Variants in RABGAP1 observed in about 807,000 individuals in gnomAD.
RABGAP1 encodes rab GTPase-activating protein 1.
Under a neutral mutation model 137.6 loss-of-function variants are expected in RABGAP1, and 23 were observed. The observed-to-expected ratio is 0.17, with a 90% confidence interval of 0.12 to 0.24. RABGAP1 has a LOEUF of 0.24. Ranked by LOEUF, RABGAP1 falls within the 10% of genes least tolerant of loss-of-function variation. The pLI, the probability that RABGAP1 is intolerant of heterozygous loss-of-function variation, is 1.00. For missense variants in RABGAP1, 906 were observed against 1,275.8 expected (o/e 0.71, Z 4.42); for synonymous variants, 451 against 450.7 (o/e 1.00, Z -0.01).
intron 2 of RABGAP1, among the ~76,000 whole-genome samples, chr9:122,968,914 T>TA (rs1232954465): frequency 6.6e-6 from 1 of 152,146 alleles, no homozygotes; most frequent in African/African-American, 2.4e-5. Context: ...CGCCCCCAGC[T>TA]AGTTATTTTT....
intron 19 of RABGAP1, among the ~76,000 whole-genome samples, chr9:123,086,021 G>A (rs1381259575): frequency 6.6e-6 from 1 of 152,200 alleles, no homozygotes; most frequent in Non-Finnish European, 1.5e-5. Flanking sequence ...GATATGGCCT[G>A]TCTCCTGGTG....
At chr9:123,008,317 T>C (rs2030487724) in intron 10 of RABGAP1, among the ~76,000 whole-genome samples, 1 of 152,020 alleles carries the variant, frequency 6.6e-6, no homozygotes, top group Non-Finnish European at 1.5e-5. Flanking sequence ...CCCAACACTT[T>C]GGGAGGCCAA....
Position 122,997,302 on chromosome 9 carries a change from C to T in RABGAP1, c.1145C>T (p.Thr382Met), listed in dbSNP as rs367858502. Reference protein sequence around the residue: ...KSSDGKSYVITGSWNPKSPHF... With the variant: ...KSSDGKSYVIMGSWNPKSPHF... The stretch of plus-strand genomic sequence containing the variant: ...TCAGATGGAAAGTCGTATGTTATTA[C>T]GGGGAGCTGGAATCCAAAATCCCCA... Residue 382 changes from threonine (T) to methionine (M), a missense_variant, in exon 9 of 26, where the codon ACG becomes ATG. Coordinates refer to ENST00000373647, the MANE Select transcript of RABGAP1 (RefSeq NM_012197.4). 22 of 1,611,216 alleles carry T rather than the reference C, an allele frequency of 1.4e-5. No homozygotes were observed. Among genetic ancestry groups the T allele is most frequent in the African/African-American group, 2.7e-5 (2 of 74,698 alleles).
chr9:123,085,396 G>C (rs954166487), intron 19 of RABGAP1, among the ~76,000 whole-genome samples: 1 of 152,110 alleles, frequency 6.6e-6, no homozygotes, highest in African/African-American at 2.4e-5. Context: ...TATTTCTAAC[G>C]GTGTTAAGAA....
At chr9:123,083,596 T>G (rs1478174387) in intron 19 of RABGAP1, among the ~76,000 whole-genome samples, 1 of 152,234 alleles carries the variant, frequency 6.6e-6, no homozygotes, top group African/African-American at 2.4e-5. Context: ...GAATACCTAA[T>G]TGTACTTAGT....
rs547782970 is a variant in RABGAP1, at chr9:122,958,704, T to A, written c.150+1495T>A. Among the ~76,000 whole-genome samples, 110 of 152,018 alleles carry A rather than the reference T, an allele frequency of 7.2e-4. 4 individuals carry two copies. In the South Asian group the frequency reaches 0.021, roughly 29 times the overall value. ...CCTAAAGTATAATTTTAAAAAAAAA[T>A]TTTTGTCAAAATTTTGAAAACTTGC... On this transcript the variant is annotated intron_variant, in intron 2 of 25. Transcript: ENST00000373647.
chr9:123,059,089 T>A (rs2033863220), intron 13 of RABGAP1, among the ~76,000 whole-genome samples: 1 of 152,226 alleles, frequency 6.6e-6, no homozygotes, highest in Non-Finnish European at 1.5e-5. Flanking sequence ...GACCTCCTCC[T>A]GTATACATAG....
intron 1 of RABGAP1, among the ~76,000 whole-genome samples, chr9:122,950,791 A>C (rs1053208038): frequency 5.3e-5 from 8 of 152,250 alleles, no homozygotes; most frequent in Non-Finnish European, 8.8e-5. Context: ...TAGTGTTATC[A>C]GCATACAATA....
intron 24 of RABGAP1, among the ~76,000 whole-genome samples, chr9:123,101,109 G>A (rs1442067183): frequency 1.3e-5 from 2 of 152,092 alleles, no homozygotes; most frequent in African/African-American, 4.8e-5. Flanking sequence ...ACATTTTTGT[G>A]TTCTATTTCA....
intron 2 of RABGAP1, among the ~76,000 whole-genome samples, chr9:122,975,723 G>A (rs905883841): frequency 2.6e-4 from 40 of 152,328 alleles, no homozygotes; most frequent in African/African-American, 7.2e-4. Context: ...GTACTGTGGT[G>A]TGAGAGTTAA....
chr9:123,093,002 T>G lies in RABGAP1; in HGVS notation c.2628+2617T>G, dbSNP rs186789617. Among the ~76,000 whole-genome samples the G allele has an allele frequency of 9.7e-4, 147 of 152,256 alleles. 2 individuals carry two copies. Among genetic ancestry groups the G allele is most frequent in the Admixed American group, 8.2e-3 (125 of 15,298 alleles). ...TCACTTTCCCTTCCCAAGTTAGACT[T>G]CTCTCTGTAGTTTCTTCTGAATCAT... is the stretch of plus-strand genomic sequence containing the variant. On this transcript the variant is annotated intron_variant, in intron 21 of 25. Coordinates refer to ENST00000373647, the MANE Select transcript of RABGAP1 (RefSeq NM_012197.4).
intron 6 of RABGAP1, among the ~76,000 whole-genome samples, chr9:122,992,959 T>C (rs1836817366): frequency 6.6e-6 from 1 of 151,738 alleles, no homozygotes; most frequent in African/African-American, 2.4e-5. Flanking sequence ...TAGTTCCTCT[T>C]ATCCAGTAAT....
Position 122,990,799 on chromosome 9 carries a change from ATAT to A in RABGAP1, c.923+587_923+589del, listed in dbSNP as rs1564384237. Reference sequence around the variant, plus strand: ...AAAAAAAAAAAAAAAAAAAAAAAATATATATATATATATATATATATATATATA... The same window carrying A: ...AAAAAAAAAAAAAAAAAAAAAAAATAATATATATATATATATATATATATA... On this transcript the variant is annotated intron_variant, in intron 6 of 25. Coordinates refer to ENST00000373647, the MANE Select transcript of RABGAP1 (RefSeq NM_012197.4). 2.6e-3 allele frequency: 109 copies of A among 41,742 alleles called. 1 individual carries two copies. The highest frequency in any genetic ancestry group is 6.1e-3 in the African/African-American group (42 of 6,862). The allele number at this position is 41,742 out of a possible 1,614,324, so 2.6% of individuals were successfully genotyped here.
chr9:123,045,654 G>T (rs1263818532), intron 13 of RABGAP1, among the ~76,000 whole-genome samples: 2 of 152,138 alleles, frequency 1.3e-5, no homozygotes, highest in Non-Finnish European at 2.9e-5. Flanking sequence ...ATAGGAGTTG[G>T]TTTAAGATCA....
In RABGAP1 at chr9:123,070,418, T is replaced by G. The variant is rs2034316955; in HGVS notation, c.1977T>G (p.Leu659=). The G allele has an allele frequency of 6.2e-7, 1 of 1,613,992 alleles. No individual in the cohort carries two copies. Among genetic ancestry groups the G allele is most frequent in the Admixed American group, 1.7e-5 (1 of 60,000 alleles). ...QGQSFLAAVL[L]LHMPEEQAFS... is the part of the protein sequence containing the mutation. ...AGTCATTTCTTGCTGCTGTGCTCCT[T>G]CTCCATGTGAGTAATTAGGTCTCTG... Residue 659 remains leucine, a synonymous_variant, in exon 15 of 26, where the codon CTT becomes CTG. Transcript: ENST00000373647. This position sits in a 1 kb window ranked among gnomAD's most constrained non-coding sequence, Gnocchi z 4.4.
At chr9:122,948,501 A>G (rs1834057910) in intron 1 of RABGAP1, among the ~76,000 whole-genome samples, 1 of 152,212 alleles carries the variant, frequency 6.6e-6, no homozygotes, top group Non-Finnish European at 1.5e-5. Context: ...GAAGATTAGT[A>G]ATAATGCAAG....
intron 10 of RABGAP1, among the ~76,000 whole-genome samples, chr9:123,005,763 TTAGAA>T (rs1156535492): frequency 1.3e-5 from 2 of 152,324 alleles, no homozygotes; most frequent in Non-Finnish European, 2.9e-5. Flanking sequence ...AAAGTGCATC[TTAGAA>T]TAGACTCCTA....
At chr9:123,046,084 ATAGT>A (rs1412825511) in intron 13 of RABGAP1, among the ~76,000 whole-genome samples, 2 of 152,234 alleles carry the variant, frequency 1.3e-5, no homozygotes, top group African/African-American at 4.8e-5. Context: ...TACTGCCTTG[ATAGT>A]TAGCTCCAGT....
chr9:123,029,541 C>T, intron 13 of RABGAP1: 1 of 783,562 alleles, frequency 1.3e-6, no homozygotes. Flanking sequence ...TTAGAGACCA[C>T]AACTGGAGTT....
Sources: gnomAD v4.1 joint callset for allele counts (sites outside exome capture counted in the v4.1 genomes callset) on GRCh38, gnomAD v4.1.1 for gene constraint, Gnocchi (gnomAD v3.1) non-coding constraint, MANE v1.5 for transcripts, NCBI Gene and HGNC (gene_info 2026-07-23, HGNC 2026-07-21) for gene names.